Variants in NANS observed in about 807,000 individuals in gnomAD.
The protein encoded by NANS is N-acetylneuraminate-9-phosphate synthase.
NANS carries 29 observed loss-of-function variants against 33.3 expected under a neutral mutation model. The observed-to-expected ratio is 0.87, with a 90% CI of 0.65 to 1.19. The LOEUF (loss-of-function observed/expected upper bound fraction) is 1.19, where lower values mean the gene tolerates loss of function less well. Among genes scored for constraint, NANS ranks in the 50% most tolerant of loss-of-function variants. The pLI, the probability that NANS is intolerant of heterozygous loss-of-function variation, is 0.00. For missense variants in NANS, 394 were observed against 461.1 expected, an observed-to-expected ratio of 0.85 and a Z score of 1.33; for synonymous variants, 163 against 177.2, an observed-to-expected ratio of 0.92 and a Z score of 0.64.
intron 2 of NANS, among the ~76,000 whole-genome samples, chr9:98,066,492 C>T (rs1022221767): frequency 4.6e-5 from 7 of 152,240 alleles, no homozygotes; most frequent in East Asian, 3.9e-4. Flanking sequence ...TTCACCCAAT[C>T]GAGGGTACAA....
At chr9:98,079,307 TTAAAAC>T (rs940016846) in intron 4 of NANS, among the ~76,000 whole-genome samples, 8 of 152,226 alleles carry the variant, frequency 5.3e-5, no homozygotes, top group Admixed American at 2.6e-4. Flanking sequence ...GTAATTATCA[TTAAAAC>T]TATTATAGTA....
At chr9:98,081,134 T>TG in intron 5 of NANS, 52 bp downstream of exon 5, 1 of 1,604,118 alleles carries the variant, frequency 6.2e-7, no homozygotes, top group Non-Finnish European at 8.5e-7. Context: ...GGAAAAAGGA[T>TG]AGGCTGGCCT....
intron 5 of NANS, chr9:98,081,912 G>C (rs557399128): frequency 1.3e-5 from 2 of 152,318 alleles, no homozygotes; most frequent in Admixed American, 6.5e-5. Context: ...AAACAGGAGA[G>C]AATTAGACCA....
chr9:98,071,830 G>A (rs532904682), intron 2 of NANS, among the ~76,000 whole-genome samples: 16 of 152,316 alleles, frequency 1.1e-4, no homozygotes, highest in South Asian at 2.1e-4. Flanking sequence ...TTCCGTCCAC[G>A]TTTCCTGGAA....
At position 98,065,385 on chromosome 9, in the gene NANS, C is replaced by T. The variant is rs185716175; in HGVS notation, c.348+4388C>T. 7.2e-3 allele frequency among the ~76,000 whole-genome samples: 1,007 copies of T among 139,082 alleles called. 4 individuals carry two copies. Among genetic ancestry groups the T allele is most frequent in the Non-Finnish European group, 0.011 (748 of 66,234 alleles). The allele number at this position is 139,082 out of a possible 152,430, so 91.2% of individuals were successfully genotyped here. A position where few individuals can be genotyped will look rare whatever the true frequency, so the allele number is the denominator to read the frequency against. On this transcript the variant is annotated intron_variant, in intron 2 of 5. Transcript: ENST00000210444. Reference sequence around the variant, plus strand: ...TGGAGTGCAATCAATGGTGCAATCTCGGCTCACTGCGACTTCCGCCTCCTG... The same window carrying T: ...TGGAGTGCAATCAATGGTGCAATCTTGGCTCACTGCGACTTCCGCCTCCTG...
chr9:98,081,689 G>A (rs1829869910), intron 5 of NANS: 1 of 152,464 alleles, frequency 6.6e-6, no homozygotes, highest in Non-Finnish European at 1.5e-5. Context: ...CTTGCCTTCT[G>A]AGTCATAGAG....
chr9:98,080,619 C>T (rs1429226360), intron 4 of NANS, among the ~76,000 whole-genome samples, 197 bp from the exon 5 acceptor site: 1 of 152,192 alleles, frequency 6.6e-6, no homozygotes, highest in African/African-American at 2.4e-5. Context: ...CTGAGTGCTT[C>T]TCATGCATTT....
chr9:98,061,063 ACTTCCGGCTTAGGGCCACCTCCAG>A, intron 2 of NANS, 66 bp downstream of exon 2: 1 of 1,528,312 alleles, frequency 6.5e-7, no homozygotes, highest in Non-Finnish European at 9.0e-7. Context: ...CAGCCTGGTG[ACTTCCGGCTTAGGGCCACCTCCAG>A]CCCTTGCTCA....
chr9:98,081,207 TC>T, intron 5 of NANS, 125 bp downstream of exon 5: 1 of 1,318,082 alleles, frequency 7.6e-7, no homozygotes. Flanking sequence ...GTGAATGTGC[TC>T]CCACCCGTGT....
intron 2 of NANS, among the ~76,000 whole-genome samples, chr9:98,062,544 A>C (rs1829013296): frequency 6.6e-6 from 1 of 152,096 alleles, no homozygotes; most frequent in African/African-American, 2.4e-5. Flanking sequence ...CCTCTATAGC[A>C]GTTCTTTTTA....
intron 4 of NANS, among the ~76,000 whole-genome samples, chr9:98,079,070 C>G (rs1287284315): frequency 1.3e-5 from 2 of 151,998 alleles, no homozygotes; most frequent in Non-Finnish European, 2.9e-5. Context: ...ATAGTGACAG[C>G]CTTGATGGAA....
intron 3 of NANS, 154 bp from the exon 4 acceptor site, chr9:98,078,039 A>G: frequency 8.9e-7 from 1 of 1,117,760 alleles, no homozygotes; most frequent in Non-Finnish European, 1.3e-6. Context: ...GAACCCAACA[A>G]GCTCCTCTCT....
At chr9:98,073,982 C>T (rs985302119) in intron 2 of NANS, among the ~76,000 whole-genome samples, 13 of 151,808 alleles carry the variant, frequency 8.6e-5, no homozygotes, top group Non-Finnish European at 1.3e-4. Flanking sequence ...AACGGGATTT[C>T]GCCATGTTGC....
Position 98,076,943 on chromosome 9 carries a change from T to G in NANS, c.374T>G (p.Leu125Arg). Residue 125 changes from leucine (L) to arginine (R), a missense_variant, in exon 3 of 6, where the codon CTG (leucine) becomes CGG (arginine). By Grantham distance (102) the Leu-to-Arg change is moderately radical. Coordinates refer to ENST00000210444, the MANE Select transcript of NANS (RefSeq NM_018946.4). ...DEMAVEFLHE[L>R]NVPFFKVGSG... ...ATGGCAGTTGAATTCCTGCATGAAC[T>G]GAATGTTCCATTTTTCAAAGTTGGA... The G allele has an allele frequency of 3.7e-6, 6 of 1,612,386 alleles. No individual in the cohort carries two copies. The highest frequency in any genetic ancestry group is 5.1e-6 in the Non-Finnish European group (6 of 1,179,504).
At chr9:98,076,113 G>A (rs1829578872) in intron 2 of NANS, 1 of 152,146 alleles carries the variant, frequency 6.6e-6, no homozygotes, top group Non-Finnish European at 1.5e-5. Flanking sequence ...GAAAGGGCTC[G>A]GGTTGAATGG....
In NANS at chr9:98,060,862, C is replaced by T; in HGVS notation, c.213C>T (p.Tyr71=). 1.2e-6 allele frequency: 2 copies of T among 1,614,192 alleles called. No homozygotes were observed. The highest frequency in any genetic ancestry group is 1.7e-6 in the Non-Finnish European group (2 of 1,180,040). ...ATCGGAAAGCCTTGGAGAGGCCATACACCTCGAAGCATTCCTGGGGGAAGA... is the reference window on the plus strand; with the variant it reads ...ATCGGAAAGCCTTGGAGAGGCCATATACCTCGAAGCATTCCTGGGGGAAGA... ...KFNRKALERP[Y]TSKHSWGKTY... is the part of the protein sequence containing the mutation. The change falls in exon 2 of 6, where the codon TAC becomes TAT. Residue 71 remains tyrosine (Y), a synonymous_variant. Transcript: ENST00000210444.
At chr9:98,066,647 T>C (rs919758415) in intron 2 of NANS, among the ~76,000 whole-genome samples, 2 of 147,582 alleles carry the variant, frequency 1.4e-5, no homozygotes, top group Middle Eastern at 3.2e-3. Context: ...AGGCAACCAC[T>C]TACCGATTTT....
intron 4 of NANS, among the ~76,000 whole-genome samples, chr9:98,078,930 T>C (rs1045594521): frequency 2.6e-5 from 4 of 152,062 alleles, no homozygotes; most frequent in African/African-American, 9.7e-5. Flanking sequence ...AACACTAGCG[T>C]ACAGATAAAT....
chr9:98,081,336 T>C, intron 5 of NANS: 1 of 515,528 alleles, frequency 1.9e-6, no homozygotes. Flanking sequence ...CATTAGAGTC[T>C]TCCACTAATT....
Sources: gnomAD v4.1 joint callset for allele counts (sites outside exome capture counted in the v4.1 genomes callset) on GRCh38, gnomAD v4.1.1 for gene constraint, MANE v1.5 for transcripts, NCBI Gene and HGNC (gene_info 2026-07-23, HGNC 2026-07-21) for gene names.